Variants in FER1L5 observed in about 807,000 individuals in gnomAD.
FER1L5 encodes the protein fer-1-like protein 5.
A neutral mutation model predicts 279.9 loss-of-function variants in FER1L5; 187 were observed. That is an observed-to-expected ratio of 0.67 (90% CI 0.59 to 0.75). FER1L5 has a LOEUF of 0.75. Among genes scored for constraint, FER1L5 ranks in the 30% least tolerant of loss-of-function variants. The pLI, the probability that FER1L5 is intolerant of heterozygous loss-of-function variation, is 0.00. For synonymous variants in FER1L5, 921 were observed against 989.7 expected (o/e 0.93, Z 1.30); for missense variants, 2,091 against 2,594.4 (o/e 0.81, Z 4.21).
In FER1L5 at chr2:96,701,970, TG is replaced by T; in HGVS notation, c.5089del (p.Val1697TrpfsTer44). 6.2e-7 allele frequency: 1 copy of T among 1,613,956 alleles called. No homozygotes were observed. Among genetic ancestry groups the T allele is most frequent in the Non-Finnish European group, 8.5e-7 (1 of 1,179,874 alleles). The stretch of plus-strand genomic sequence containing the variant: ...CCGGCTCTAGGGAAAGGTGCAAATG[TG>T]GGTGGACATCTTCCCCAAGAAGCTG... ...PGIDQGKVQM[W>X]VDIFPKKLGP... On this transcript the variant is annotated frameshift_variant, in exon 46 of 53. Coordinates refer to ENST00000624922, the MANE Select transcript of FER1L5 (RefSeq NM_001293083.2). LOFTEE classifies it high-confidence loss of function.
At chr2:96,648,818 CT>C (rs1427657168) in intron 4 of FER1L5, among the ~76,000 whole-genome samples, 2 of 152,228 alleles carry the variant, frequency 1.3e-5, no homozygotes, top group Admixed American at 6.5e-5. Context: ...CAGTCTGTGA[CT>C]TACAATGGAT....
chr2:96,690,540 C>A lies in FER1L5; in HGVS notation c.2694C>A (p.His898Gln). 1 of 1,551,646 alleles carries A rather than the reference C, an allele frequency of 6.4e-7. No homozygotes were observed. The highest frequency in any genetic ancestry group is 8.7e-7 in the Non-Finnish European group (1 of 1,146,978). Residue 898 changes from histidine to glutamine, a missense_variant, in exon 27 of 53, where the codon CAC (histidine) becomes CAA (glutamine). Physicochemically the swap from His to Gln is conservative, Grantham distance 24. Coordinates refer to ENST00000624922, the MANE Select transcript of FER1L5 (RefSeq NM_001293083.2). ...RENVKCPQGWHFKKDWVVELN... is the reference protein window; with the variant it reads ...RENVKCPQGWQFKKDWVVELN... ...ACGTGAAGTGCCCCCAAGGCTGGCA[C>A]TTTAAGAAGGACTGGGTGGTGGAGC...
At chr2:96,645,378 G>A (rs2075073622) in intron 1 of FER1L5, among the ~76,000 whole-genome samples, 1 of 152,112 alleles carries the variant, frequency 6.6e-6, no homozygotes, top group Non-Finnish European at 1.5e-5. Flanking sequence ...GGAGAATGAA[G>A]AATCTCATGG....
At chr2:96,696,411 G>C (rs565007253) in intron 37 of FER1L5, among the ~76,000 whole-genome samples, 1 of 152,142 alleles carries the variant, frequency 6.6e-6, no homozygotes, top group East Asian at 1.9e-4. Flanking sequence ...TCCTGCCTCA[G>C]CCTCTTGAGC....
rs2077237720 is a variant in FER1L5, at chr2:96,693,508, C to T, written c.3295C>T (p.Pro1099Ser). Reference sequence around the variant, plus strand: ...TACCTTCTCCTCTACCCCTCCAGGGCCCTTCATTCGGGTGGTCTTCCTGAA... The same window carrying T: ...TACCTTCTCCTCTACCCCTCCAGGGTCCTTCATTCGGGTGGTCTTCCTGAA... ...VSNQILTFQG[P>S]FIRVVFLNHS... The change falls in exon 32 of 53, where the codon CCC (proline) becomes TCC (serine). Residue 1099 changes from proline to serine, a missense_variant and splice_region_variant. By Grantham distance (74) the Pro-to-Ser change is moderately conservative. Coordinates refer to ENST00000624922, the MANE Select transcript of FER1L5 (RefSeq NM_001293083.2). 3 of 1,550,976 alleles carry T rather than the reference C, an allele frequency of 1.9e-6. No homozygotes were observed. Among genetic ancestry groups the T allele is most frequent in the African/African-American group, 1.4e-5 (1 of 73,022 alleles).
Position 96,694,730 on chromosome 2 carries a change from G to A in FER1L5, c.3741+266G>A, listed in dbSNP as rs1315366396. On this transcript the variant is annotated intron_variant, in intron 34 of 52. Transcript: ENST00000624922. The surrounding 1 kb of genome is among the most constrained non-coding windows in gnomAD (Gnocchi z 4.6). ...CTTGTGGGACTCACGCTGCCCCTGC[G>A]CAGTAGCAACTACTTTGCAGAGAAG... 6.3e-5 allele frequency: 21 copies of A among 334,838 alleles called. No individual in the cohort carries two copies. In the Admixed American group the frequency reaches 9.5e-4, roughly 15 times the overall value. The allele number at this position is 334,838 out of a possible 1,614,324, so 20.7% of individuals were successfully genotyped here. A position where few individuals can be genotyped will look rare whatever the true frequency, so the allele number is the denominator to read the frequency against.
At chr2:96,659,455 T>TTCTTTCTTTCTTTCTTTC (rs1159254616) in intron 9 of FER1L5, among the ~76,000 whole-genome samples, 2 of 29,462 alleles carry the variant, frequency 6.8e-5, no homozygotes. Flanking sequence ...CTTTCTTTCT[T>TTCTTTCTTTCTTTCTTTC]TCTTTCTTTC....
At chr2:96,696,217 C>T in intron 37 of FER1L5, 140 bp downstream of exon 37, 1 of 990,124 alleles carries the variant, frequency 1.0e-6, no homozygotes, top group Non-Finnish European at 1.5e-6. Context: ...GGTCCTCAGC[C>T]TATAGGGTCT....
rs780058995 is a variant in FER1L5 at position 96,691,490 on chromosome 2, G to T, written c.2953G>T (p.Gly985Cys). 1 of 1,549,402 alleles carries T rather than the reference G, an allele frequency of 6.5e-7. No homozygotes were observed. The highest frequency in any genetic ancestry group is 2.0e-5 in the Admixed American group (1 of 50,566). ...GGAGGGCTGGGAGTATGACACCTTCGGCTCCAAGTTCCACCTCAACCCTCA... is the reference window on the plus strand; with the variant it reads ...GGAGGGCTGGGAGTATGACACCTTCTGCTCCAAGTTCCACCTCAACCCTCA... ...EEEGWEYDTF[G>C]SKFHLNPQPQ... Residue 985 changes from glycine (G) to cysteine (C), a missense_variant, in exon 29 of 53, where the codon GGC becomes TGC. Physicochemically the swap from Gly to Cys is radical, Grantham distance 159. Transcript: ENST00000624922. This position sits in a 1 kb window ranked among gnomAD's most constrained non-coding sequence, Gnocchi z 6.0.
intron 24 of FER1L5, chr2:96,688,938 A>T: frequency 2.8e-6 from 1 of 362,904 alleles, no homozygotes; most frequent in Non-Finnish European, 5.0e-6. Context: ...ACCCCTCTCC[A>T]CCTCTGTGCC....
At chr2:96,688,706 G>C (rs971316843) in intron 24 of FER1L5, among the ~76,000 whole-genome samples, 5 of 152,118 alleles carry the variant, frequency 3.3e-5, no homozygotes, top group African/African-American at 1.2e-4. Flanking sequence ...CAGAGGTGGA[G>C]AGCAGTTCAG....
rs2077708743 is a variant in FER1L5, at chr2:96,704,381, G to C, written c.5949+19G>C. 1 of 1,613,414 alleles carries C rather than the reference G, an allele frequency of 6.2e-7. No individual in the cohort carries two copies. On this transcript the variant is annotated intron_variant, in intron 52 of 52. Coordinates refer to ENST00000624922, the MANE Select transcript of FER1L5 (RefSeq NM_001293083.2). ...AGCTCCGGTGAGTGGCAGCCATGGG[G>C]GCAAGGACAAAGGTGGTCTCGGGAT...
In FER1L5 at chr2:96,697,697, T is replaced by C. The variant is rs777953710; in HGVS notation, c.4172T>C (p.Leu1391Pro). ...YEHEVDWWSK[L>P]FWATDEHKSL... ...CATGAGGTGGACTGGTGGAGCAAGC[T>C]GTTCTGGGCCACAGATGAGCACAAG... Residue 1391 changes from leucine to proline, a missense_variant, in exon 39 of 53, where the codon CTG becomes CCG. Coordinates refer to ENST00000624922, the MANE Select transcript of FER1L5 (RefSeq NM_001293083.2). 3 of 1,614,040 alleles carry C rather than the reference T, an allele frequency of 1.9e-6. No individual in the cohort carries two copies. The highest frequency in any genetic ancestry group is 1.7e-6 in the Non-Finnish European group (2 of 1,179,892).
chr2:96,690,992 C>T (rs1483131118), intron 27 of FER1L5, among the ~76,000 whole-genome samples, 198 bp from the exon 28 acceptor site: 2 of 152,252 alleles, frequency 1.3e-5, no homozygotes, highest in Non-Finnish European at 1.5e-5. Context: ...GTCTCACCTG[C>T]TTCATTTGTA....
intron 19 of FER1L5, among the ~76,000 whole-genome samples, chr2:96,683,968 C>T (rs2076828808): frequency 6.6e-6 from 1 of 152,174 alleles, no homozygotes; most frequent in African/African-American, 2.4e-5. Flanking sequence ...CGTGCCCCTA[C>T]ACCTGGCATC....
At chr2:96,671,689 G>T (rs572261097) in intron 18 of FER1L5, among the ~76,000 whole-genome samples, 1 of 152,220 alleles carries the variant, frequency 6.6e-6, no homozygotes, top group Non-Finnish European at 1.5e-5. Context: ...TGAAAGGAGA[G>T]GGAAGCTATG....
intron 1 of FER1L5, among the ~76,000 whole-genome samples, chr2:96,643,393 A>G (rs1335338702): frequency 6.6e-6 from 1 of 152,170 alleles, no homozygotes; most frequent in Non-Finnish European, 1.5e-5. Flanking sequence ...TCTGTCACCC[A>G]GGCTACAGTG....
At chr2:96,662,157 A>G (rs2075979158) in intron 12 of FER1L5, 58 bp from the exon 13 acceptor site, 2 of 1,519,172 alleles carry the variant, frequency 1.3e-6, no homozygotes, top group African/African-American at 2.8e-5. Context: ...TCGCCACCCT[A>G]TTTCCTCCTC....
chr2:96,697,009 GCTGAGGTTA>G (rs1483272368), intron 37 of FER1L5, among the ~76,000 whole-genome samples: 1 of 152,190 alleles, frequency 6.6e-6, no homozygotes, highest in Non-Finnish European at 1.5e-5. Flanking sequence ...CTCCCAAAGT[GCTGAGGTTA>G]CTCAGCCTCA....
Sources: allele counts gnomAD v4.1 joint callset (sites outside exome capture counted in the v4.1 genomes callset), GRCh38; gene constraint gnomAD v4.1.1; non-coding constraint Gnocchi (gnomAD v3.1); transcripts MANE v1.5; gene names NCBI Gene and HGNC (gene_info 2026-07-23, HGNC 2026-07-21).